Variants in GABRB2 observed in about 807,000 individuals in gnomAD.
The protein encoded by GABRB2 is gamma-aminobutyric acid type A receptor subunit beta2, also known as gamma-aminobutyric acid receptor subunit beta-2.
Under a neutral mutation model 54.7 loss-of-function variants are expected in GABRB2, and 16 were observed. That is an observed-to-expected ratio of 0.29 (90% confidence interval 0.20 to 0.44). The LOEUF is 0.44. Among genes scored for constraint, GABRB2 ranks in the 20% least tolerant of loss-of-function variants. The pLI, the probability that GABRB2 is intolerant of heterozygous loss-of-function variation, is 1.00. For synonymous variants in GABRB2, 244 were observed against 233.8 expected (o/e 1.04, Z -0.40); for missense variants, 355 against 644.0 (o/e 0.55, Z 4.86).
At chr5:161,413,912 C>T (rs1488197848) in intron 4 of GABRB2, among the ~76,000 whole-genome samples, 6 of 152,128 alleles carry the variant, frequency 3.9e-5, no homozygotes, top group East Asian at 1.9e-4. Context: ...TACATGTTCA[C>T]GGCAACTAGC....
intron 3 of GABRB2, among the ~76,000 whole-genome samples, chr5:161,491,157 C>G (rs1269714594): frequency 6.6e-6 from 1 of 151,340 alleles, no homozygotes; most frequent in African/African-American, 2.4e-5. Flanking sequence ...ACAAAAAGGT[C>G]AGAAAAATAG....
intron 4 of GABRB2, among the ~76,000 whole-genome samples, chr5:161,441,656 G>A (rs1757469628): frequency 6.6e-6 from 1 of 152,166 alleles, no homozygotes; most frequent in Non-Finnish European, 1.5e-5. Flanking sequence ...GTACTCCTAT[G>A]TTTGTTGCAG....
chr5:161,297,409 T>C (rs934604017), intron 9 of GABRB2, among the ~76,000 whole-genome samples: 7 of 152,152 alleles, frequency 4.6e-5, no homozygotes, highest in Non-Finnish European at 1.0e-4. Context: ...ATTAGGTATT[T>C]CTCCTAATGC....
At chr5:161,335,792 T>C (rs1177900660) in intron 6 of GABRB2, among the ~76,000 whole-genome samples, 1 of 152,182 alleles carries the variant, frequency 6.6e-6, no homozygotes, top group Non-Finnish European at 1.5e-5. Context: ...TTTGTCGTTG[T>C]TGTTTTAAAG....
At chr5:161,499,858 A>T (rs1350546264) in intron 3 of GABRB2, among the ~76,000 whole-genome samples, 2 of 151,300 alleles carry the variant, frequency 1.3e-5, no homozygotes, top group Non-Finnish European at 3.0e-5. Flanking sequence ...TCTATTAATA[A>T]TTTTTTTTTA....
chr5:161,297,838 G>C (rs1428699662), intron 9 of GABRB2, among the ~76,000 whole-genome samples: 3 of 152,122 alleles, frequency 2.0e-5, no homozygotes, highest in Non-Finnish European at 4.4e-5. Flanking sequence ...TCTGGTTCTA[G>C]GTCTTTTAGG....
intron 9 of GABRB2, among the ~76,000 whole-genome samples, chr5:161,307,589 T>A (rs1265867199): frequency 5.9e-5 from 9 of 152,172 alleles, no homozygotes; most frequent in Non-Finnish European, 1.0e-4. Flanking sequence ...CGTTTCTTCA[T>A]CTTTCAAATG....
At chr5:161,488,273 T>G (rs1758988147) in intron 3 of GABRB2, among the ~76,000 whole-genome samples, 1 of 150,380 alleles carries the variant, frequency 6.6e-6, no homozygotes, top group Admixed American at 6.7e-5. Context: ...AACTTAAGAC[T>G]CCAATCACTT....
intron 5 of GABRB2, among the ~76,000 whole-genome samples, chr5:161,375,701 C>A (rs564449187): frequency 2.5e-4 from 38 of 152,254 alleles, no homozygotes; most frequent in Non-Finnish European, 5.3e-4. Flanking sequence ...TGTAAACCTC[C>A]ATTTTCTCAT....
intron 3 of GABRB2, among the ~76,000 whole-genome samples, chr5:161,505,750 T>G (rs1759587221): frequency 6.6e-6 from 1 of 152,122 alleles, no homozygotes; most frequent in Admixed American, 6.5e-5. Context: ...TGATTCATGA[T>G]CTAAAAAGAA....
At chr5:161,405,746 A>G (rs775695430) in intron 5 of GABRB2, among the ~76,000 whole-genome samples, 2 of 152,100 alleles carry the variant, frequency 1.3e-5, no homozygotes, top group Non-Finnish European at 2.9e-5. Context: ...AATATTAGTG[A>G]ATCTATAGCA....
intron 5 of GABRB2, among the ~76,000 whole-genome samples, chr5:161,382,203 G>A (rs1755489709): frequency 6.6e-6 from 1 of 152,168 alleles, no homozygotes; most frequent in Admixed American, 6.6e-5. Flanking sequence ...GCAAATGTCA[G>A]GGCTATGTGG....
intron 3 of GABRB2, among the ~76,000 whole-genome samples, chr5:161,534,903 G>A (rs777377710): frequency 6.6e-6 from 1 of 151,980 alleles, no homozygotes; most frequent in Non-Finnish European, 1.5e-5. Flanking sequence ...AAAATTCAAC[G>A]GAAAATTAGG....
chr5:161,402,460 G>A (rs1756226548), intron 5 of GABRB2, among the ~76,000 whole-genome samples: 1 of 151,978 alleles, frequency 6.6e-6, no homozygotes, highest in African/African-American at 2.4e-5. Flanking sequence ...TAAAAGGAAG[G>A]AATAGTAATA....
At position 161,425,917 on chromosome 5, in the gene GABRB2, T is replaced by C. The variant is rs947336228; in HGVS notation, c.459-14860A>G. Reference sequence around the variant, plus strand: ...CTCATAATTGCTTGTAGAATATAAATTGGCTCAATCTTCATAAAGGGTAAC... The same window carrying C: ...CTCATAATTGCTTGTAGAATATAAACTGGCTCAATCTTCATAAAGGGTAAC... On this transcript the variant is annotated intron_variant, in intron 4 of 9. Transcript: ENST00000393959. Among the ~76,000 whole-genome samples the C allele has an allele frequency of 3.9e-5, 6 of 152,096 alleles. No individual in the cohort carries two copies. In the South Asian group the frequency reaches 6.2e-4, roughly 16 times the overall value.
chr5:161,531,947 A>G (rs1403720243), intron 3 of GABRB2, among the ~76,000 whole-genome samples: 1 of 152,064 alleles, frequency 6.6e-6, no homozygotes. Context: ...CACTACTCAA[A>G]CTTTAGTCTG....
At chr5:161,533,509 A>G (rs1303266210) in intron 3 of GABRB2, among the ~76,000 whole-genome samples, 1 of 152,150 alleles carries the variant, frequency 6.6e-6, no homozygotes, top group Non-Finnish European at 1.5e-5. Context: ...TATAAAGCTT[A>G]AAAAATAGAT....
chr5:161,365,763 T>G (rs902018239), intron 5 of GABRB2, among the ~76,000 whole-genome samples: 1 of 152,172 alleles, frequency 6.6e-6, no homozygotes, highest in African/African-American at 2.4e-5. Flanking sequence ...AAATTCACTG[T>G]GCTTTGGAGC....
intron 4 of GABRB2, among the ~76,000 whole-genome samples, chr5:161,436,440 G>A (rs1757310000): frequency 6.6e-6 from 1 of 151,944 alleles, no homozygotes; most frequent in African/African-American, 2.4e-5. Context: ...GGCTGAGGCA[G>A]GAGAATTGCT....
Sources: gnomAD v4.1 joint callset for allele counts (sites outside exome capture counted in the v4.1 genomes callset) on GRCh38, gnomAD v4.1.1 for gene constraint, MANE v1.5 for transcripts, NCBI Gene and HGNC (gene_info 2026-07-23, HGNC 2026-07-21) for gene names.